The following ARHGAP6 variants were observed in gnomAD, a reference collection of about 807,000 sequenced individuals.
The protein encoded by ARHGAP6 is Rho GTPase activating protein 6.
A neutral mutation model predicts 55.7 loss-of-function variants in ARHGAP6; 16 were observed. That is an observed-to-expected ratio of 0.29 (90% confidence interval 0.19 to 0.44). The LOEUF is 0.44. Among genes scored for constraint, ARHGAP6 ranks in the 20% least tolerant of loss-of-function variants. The probability of loss-of-function intolerance (pLI) is 1.00; values close to 1 mark genes in which losing one functional copy is unlikely to be tolerated. For missense variants in ARHGAP6, 698 were observed against 808.9 expected, an observed-to-expected ratio of 0.86 and a Z score of 1.66; for synonymous variants, 382 against 360.9, an observed-to-expected ratio of 1.06 and a Z score of -0.66.
At chrX:11,600,827 G>A (rs1446719984) in intron 1 of ARHGAP6, among the ~76,000 whole-genome samples, 1 of 112,103 alleles carries the variant, frequency 8.9e-6, no homozygotes, top group Non-Finnish European at 1.9e-5. Flanking sequence ...GGCAAGGGAA[G>A]AAAGCCCGTA....
rs766113366 is a variant in ARHGAP6 at position 11,399,631 on chromosome X, T to A, written c.589-144924A>T. Among the ~76,000 whole-genome samples the A allele has an allele frequency of 5.4e-5, 6 of 111,937 alleles. No individual in the cohort carries two copies. In the South Asian group the frequency reaches 2.2e-3, roughly 42 times the overall value. On this transcript the variant is annotated intron_variant, in intron 1 of 12. Coordinates refer to ENST00000337414, the MANE Select transcript of ARHGAP6 (RefSeq NM_013427.3). ...ATCACTGTTACATCACTGGTGGGAA[T>A]GTAAAATGGAGCAGCCACTTTGGAA...
intron 1 of ARHGAP6, among the ~76,000 whole-genome samples, chrX:11,521,766 G>A (rs1428772463): frequency 9.0e-6 from 1 of 110,614 alleles, no homozygotes; most frequent in East Asian, 2.8e-4. Context: ...CCATTTTCAT[G>A]ATATTGATTC....
rs779277578 is a variant in ARHGAP6 at position 11,308,109 on chromosome X, A to G, written c.589-53402T>C. ...AAATGAATTGATGTGGCCTGATCATATTGTTTAAGGTAATAGATCACCAAT... is the reference window on the plus strand; with the variant it reads ...AAATGAATTGATGTGGCCTGATCATGTTGTTTAAGGTAATAGATCACCAAT... On this transcript the variant is annotated intron_variant, in intron 1 of 12. Coordinates refer to ENST00000337414, the MANE Select transcript of ARHGAP6 (RefSeq NM_013427.3). Among the ~76,000 whole-genome samples the G allele has an allele frequency of 3.6e-5, 4 of 112,432 alleles. No individual in the cohort carries two copies. In the South Asian group the frequency reaches 1.5e-3, roughly 42 times the overall value.
chrX:11,619,353 G>A (rs1054877692), intron 1 of ARHGAP6, among the ~76,000 whole-genome samples: 4 of 112,084 alleles, frequency 3.6e-5, no homozygotes, highest in African/African-American at 1.3e-4. Flanking sequence ...TGGACCAGTT[G>A]TGTGTCTCTA....
intron 1 of ARHGAP6, among the ~76,000 whole-genome samples, chrX:11,370,893 AAACAAC>A (rs751345129): frequency 3.6e-5 from 4 of 110,144 alleles, no homozygotes; most frequent in South Asian, 3.9e-4. Context: ...GTATGCTTAC[AAACAAC>A]AACAACAACA....
At chrX:11,337,774 G>A (rs1309130724) in intron 1 of ARHGAP6, among the ~76,000 whole-genome samples, 1 of 112,649 alleles carries the variant, frequency 8.9e-6, no homozygotes, top group African/African-American at 3.2e-5. Flanking sequence ...ACTTCATTTT[G>A]TGTTGCTATA....
intron 1 of ARHGAP6, chrX:11,294,837 A>G: frequency 8.3e-7 from 1 of 1,211,639 alleles, no homozygotes; most frequent in Non-Finnish European, 1.1e-6. Context: ...AGCTTTTGCC[A>G]TGCCTGTGAG....
At chrX:11,180,295 A>G (rs2046298002) in intron 6 of ARHGAP6, among the ~76,000 whole-genome samples, 1 of 111,370 alleles carries the variant, frequency 9.0e-6, no homozygotes, top group Non-Finnish European at 1.9e-5. Context: ...AGAAATAATT[A>G]TGTAACTTCA....
chrX:11,454,293 T>C lies in ARHGAP6; in HGVS notation c.589-199586A>G, dbSNP rs748576551. ...TTTCTTAAAGGATCATTTCAAACAT[T>C]AGTGGGTTTGCATGGAACCTTCCAC... On this transcript the variant is annotated intron_variant, in intron 1 of 12. Transcript: ENST00000337414. 3.6e-5 allele frequency among the ~76,000 whole-genome samples: 4 copies of C among 109,874 alleles called. No individual in the cohort carries two copies. In the East Asian group the frequency reaches 8.5e-4, roughly 23 times the overall value.
At chrX:11,550,943 A>T (rs2051260134) in intron 1 of ARHGAP6, among the ~76,000 whole-genome samples, 1 of 112,126 alleles carries the variant, frequency 8.9e-6, no homozygotes, top group Admixed American at 9.5e-5. Context: ...CCCATTCATC[A>T]GTTTGATTTG....
intron 1 of ARHGAP6, among the ~76,000 whole-genome samples, chrX:11,568,713 C>T (rs1337968966): frequency 9.5e-6 from 1 of 105,754 alleles, no homozygotes; most frequent in Non-Finnish European, 1.9e-5. Flanking sequence ...GCTGAGATTG[C>T]GCCACTGCAC....
intron 1 of ARHGAP6, among the ~76,000 whole-genome samples, chrX:11,470,354 A>C (rs1008929808): frequency 1.8e-5 from 2 of 111,967 alleles, no homozygotes; most frequent in Non-Finnish European, 3.8e-5. Flanking sequence ...ACCTGGTTAA[A>C]AAAATATATT....
At chrX:11,604,952 G>T (rs144266485) in intron 1 of ARHGAP6, among the ~76,000 whole-genome samples, 1 of 111,826 alleles carries the variant, frequency 8.9e-6, no homozygotes, top group Non-Finnish European at 1.9e-5. Context: ...GGATAATTCT[G>T]GTCAGGGGAC....
intron 1 of ARHGAP6, among the ~76,000 whole-genome samples, chrX:11,576,076 A>C (rs1394606102): frequency 8.9e-6 from 1 of 112,109 alleles, no homozygotes; most frequent in East Asian, 2.8e-4. Context: ...CCTTGGGAAC[A>C]AAATAAACTT....
At chrX:11,286,371 C>T (rs1398609235) in intron 1 of ARHGAP6, among the ~76,000 whole-genome samples, 1 of 111,264 alleles carries the variant, frequency 9.0e-6, no homozygotes, top group Non-Finnish European at 1.9e-5. Flanking sequence ...ATAACTTCAT[C>T]TAAATAACAG....
At chrX:11,167,506 G>A (rs1338305423) in intron 9 of ARHGAP6, among the ~76,000 whole-genome samples, 1 of 111,707 alleles carries the variant, frequency 9.0e-6, no homozygotes, top group Non-Finnish European at 1.9e-5. Context: ...AGCTGGAAAA[G>A]GTAGAATACT....
At chrX:11,282,875 G>A (rs998158171) in intron 1 of ARHGAP6, among the ~76,000 whole-genome samples, 1 of 112,214 alleles carries the variant, frequency 8.9e-6, no homozygotes, top group Non-Finnish European at 1.9e-5. Flanking sequence ...AGCCAGAGGC[G>A]ACACTTCAGT....
rs755308179 is a variant in ARHGAP6 at position 11,314,040 on chromosome X, G to A, written c.589-59333C>T. Among the ~76,000 whole-genome samples, 23 of 112,182 alleles carry A rather than the reference G, an allele frequency of 2.1e-4. 1 individual carries two copies. The highest frequency in any genetic ancestry group is 4.5e-4 in the African/African-American group (14 of 30,920). On this transcript the variant is annotated intron_variant, in intron 1 of 12. Transcript: ENST00000337414. ...GCAATAAGTAATTCATCGGATTCTC[G>A]TTTGGCTGTGATTTTTTAAGTAATT... is the stretch of plus-strand genomic sequence containing the variant.
chrX:11,260,905 G>C (rs1336792466), intron 1 of ARHGAP6, among the ~76,000 whole-genome samples: 1 of 110,924 alleles, frequency 9.0e-6, no homozygotes, highest in Non-Finnish European at 1.9e-5. Context: ...CAGCAACCCA[G>C]TCCTAGGGCC....
Sources: allele counts gnomAD v4.1 joint callset (sites outside exome capture counted in the v4.1 genomes callset), GRCh38; gene constraint gnomAD v4.1.1; transcripts MANE v1.5; gene names NCBI Gene and HGNC (gene_info 2026-07-23, HGNC 2026-07-21).